The following ACSL6 variants were observed in gnomAD, a reference collection of about 807,000 sequenced individuals.
The protein encoded by ACSL6 is long-chain-fatty-acid--CoA ligase 6.
In ACSL6, 47 loss-of-function variants were observed where a neutral mutation model predicts 98.2. That is an observed-to-expected ratio of 0.48 (90% CI 0.38 to 0.61). ACSL6 has a LOEUF of 0.61. Among genes scored for constraint, ACSL6 ranks in the 20% least tolerant of loss-of-function variants. The probability of loss-of-function intolerance (pLI) is 0.00; values close to 1 mark genes in which losing one functional copy is unlikely to be tolerated. For synonymous variants in ACSL6, 362 were observed against 336.9 expected (o/e 1.07, Z -0.82); for missense variants, 761 against 913.4 (o/e 0.83, Z 2.15).
intron 10 of ACSL6, chr5:131,975,436 C>CGG (rs1023508991): frequency 2.0e-6 from 2 of 985,294 alleles, no homozygotes; most frequent in South Asian, 4.7e-5. Context: ...CTGGGCTACC[C>CGG]GGGCAGGGAT....
Position 131,952,839 on chromosome 5 carries a change from A to C in ACSL6, c.*1395T>G, listed in dbSNP as rs1752219625. On this transcript the variant is annotated 3_prime_UTR_variant, in exon 21 of 21. Transcript: ENST00000651883. ...TATTTCTTTGTCTATGGACTTAAAA[A>C]GTTTTCTTGGGGCATTTTAAAGAGG... The C allele has an allele frequency of 4.6e-6, 1 of 218,132 alleles. No homozygotes were observed. Among genetic ancestry groups the C allele is most frequent in the Admixed American group, 5.8e-5 (1 of 17,228 alleles). 13.5% of individuals were successfully genotyped at this position (218,132 alleles called of 1,614,324 possible). A position where few individuals can be genotyped will look rare whatever the true frequency, so the allele number is the denominator to read the frequency against.
At chr5:132,008,861 G>A (rs1435007338) in intron 1 of ACSL6, among the ~76,000 whole-genome samples, 1 of 152,230 alleles carries the variant, frequency 6.6e-6, no homozygotes, top group Non-Finnish European at 1.5e-5. Context: ...AGAGGAAGGT[G>A]TGCCCTTTTA....
chr5:131,986,312 TGC>T (rs1160771875), intron 8 of ACSL6, among the ~76,000 whole-genome samples: 5 of 152,288 alleles, frequency 3.3e-5, no homozygotes, highest in Non-Finnish European at 4.4e-5. Context: ...GGAGGCCATA[TGC>T]CTTTTAGAAA....
chr5:131,975,433 A>G, intron 10 of ACSL6: 2 of 985,244 alleles, frequency 2.0e-6, no homozygotes, highest in Non-Finnish European at 2.4e-6. Flanking sequence ...TCCCTGGGCT[A>G]CCCGGGCAGG....
intron 9 of ACSL6, among the ~76,000 whole-genome samples, chr5:131,980,283 T>C (rs1166599590): frequency 6.6e-6 from 1 of 152,218 alleles, no homozygotes; most frequent in African/African-American, 2.4e-5. Flanking sequence ...AGTCTTACTT[T>C]TATCAATCCC....
Position 131,985,625 on chromosome 5 carries a change from G to A in ACSL6, c.865-167C>T, listed in dbSNP as rs186535477. Reference sequence around the variant, plus strand: ...CTGTGTGCTGCGCTCAGAAAGGTGGGCAGATGAGCGCTCAGGAAAAAGAAA... The same window carrying A: ...CTGTGTGCTGCGCTCAGAAAGGTGGACAGATGAGCGCTCAGGAAAAAGAAA... On this transcript the variant is annotated intron_variant, in intron 8 of 20. Transcript: ENST00000651883. 1.5e-3 allele frequency among the ~76,000 whole-genome samples: 230 copies of A among 152,310 alleles called. 1 individual carries two copies. The highest frequency in any genetic ancestry group is 5.3e-3 in the African/African-American group (221 of 41,564).
rs1753097186 is a variant in ACSL6 at position 131,967,803 on chromosome 5, G to A, written c.1596+137C>T. The A allele has an allele frequency of 2.4e-5, 17 of 696,984 alleles. No homozygotes were observed. In the South Asian group the frequency reaches 3.4e-4, roughly 14 times the overall value. The allele number at this position is 696,984 out of a possible 1,614,324, so 43.2% of individuals were successfully genotyped here. Reference sequence around the variant, plus strand: ...TAAACAGGAGAGGAGATGCTGAGTTGAGCTGAGTCAAATTAATCAGTAGTT... The same window carrying A: ...TAAACAGGAGAGGAGATGCTGAGTTAAGCTGAGTCAAATTAATCAGTAGTT... On this transcript the variant is annotated intron_variant, in intron 16 of 20. Transcript: ENST00000651883.
At chr5:132,008,834 T>C (rs769906990) in intron 1 of ACSL6, among the ~76,000 whole-genome samples, 15 of 152,238 alleles carry the variant, frequency 9.9e-5, no homozygotes, top group African/African-American at 1.9e-4. Context: ...CCCTGCGGCA[T>C]GGGGCTGCCT....
Position 131,975,546 on chromosome 5 carries a change from C to A in ACSL6, c.991-576G>T. 3 of 985,284 alleles carry A rather than the reference C, an allele frequency of 3.0e-6. No individual in the cohort carries two copies. The South Asian group carries it at 1.4e-4, about 46-fold the overall frequency. 61.0% of individuals were successfully genotyped at this position (985,284 alleles called of 1,614,324 possible). A position where few individuals can be genotyped will look rare whatever the true frequency, so the allele number is the denominator to read the frequency against. Reference sequence around the variant, plus strand: ...ACTGTGGCTGGGGTATGAGCCCCAGCCAGAGGAGGAGACAAGGCCAAACCC... The same window carrying A: ...ACTGTGGCTGGGGTATGAGCCCCAGACAGAGGAGGAGACAAGGCCAAACCC... On this transcript the variant is annotated intron_variant, in intron 10 of 20. Coordinates refer to ENST00000651883, the MANE Select transcript of ACSL6 (RefSeq NM_001009185.3).
intron 9 of ACSL6, among the ~76,000 whole-genome samples, chr5:131,978,154 TAGAG>T (rs1296649724): frequency 6.6e-6 from 1 of 152,144 alleles, no homozygotes; most frequent in Non-Finnish European, 1.5e-5. Context: ...ACATCAGTCT[TAGAG>T]AGCAGTGGTG....
At chr5:131,990,247 G>T in intron 3 of ACSL6, 83 bp from the exon 4 acceptor site, 1 of 1,372,694 alleles carries the variant, frequency 7.3e-7, no homozygotes, top group Non-Finnish European at 1.0e-6. Context: ...AAACCTGGAT[G>T]GACATCCCAT....
chr5:131,966,437 T>C lies in ACSL6; in HGVS notation c.1692A>G (p.Gly564=), dbSNP rs1321219133. 6.2e-7 allele frequency: 1 copy of C among 1,614,024 alleles called. No individual in the cohort carries two copies. The highest frequency in any genetic ancestry group is 2.2e-5 in the East Asian group (1 of 44,890). The part of the protein sequence containing the change: ...ALDSDGWLHT[G]DIGKWLPAGT... The stretch of plus-strand genomic sequence containing the variant: ...ACACCGGCAGCCATTTTCCGATGTC[T>C]CCAGTGTGAAGCCAGCCATCGCTGT... Residue 564 remains glycine, a synonymous_variant, in exon 17 of 21, where the codon GGA becomes GGG. Coordinates refer to ENST00000651883, the MANE Select transcript of ACSL6 (RefSeq NM_001009185.3).
intron 1 of ACSL6, chr5:131,994,771 C>T (rs1561806129): frequency 2.3e-5 from 4 of 171,292 alleles, no homozygotes; most frequent in Non-Finnish European, 2.6e-5. Flanking sequence ...TGAGTGAGAG[C>T]GAAGTGGGGG....
chr5:131,989,631 T>C, intron 4 of ACSL6, 123 bp from the exon 5 acceptor site: 1 of 683,368 alleles, frequency 1.5e-6, no homozygotes, highest in East Asian at 3.0e-5. Context: ...AGTCTCGATC[T>C]ATCACCCAGG....
intron 9 of ACSL6, chr5:131,981,843 C>A (rs1001726412): frequency 3.3e-5 from 5 of 152,410 alleles, no homozygotes; most frequent in East Asian, 1.9e-4. Flanking sequence ...CTCCACCCCA[C>A]GCCCCAGGAC....
intron 1 of ACSL6, among the ~76,000 whole-genome samples, chr5:132,010,885 A>G (rs541874707): frequency 2.6e-5 from 4 of 152,156 alleles, no homozygotes; most frequent in African/African-American, 9.7e-5. Context: ...TAGCCGCCTA[A>G]GAAGTGCAGT....
intron 5 of ACSL6, 56 bp from the exon 6 acceptor site, chr5:131,988,960 T>G (rs559869598): frequency 6.7e-7 from 1 of 1,500,708 alleles, no homozygotes; most frequent in Non-Finnish European, 9.3e-7. Context: ...AGGGCTGTCC[T>G]GCCCTTAGGC....
chr5:131,991,107 C>T (rs1044389926), intron 2 of ACSL6, 140 bp from the exon 3 acceptor site: 16 of 681,682 alleles, frequency 2.3e-5, no homozygotes, highest in East Asian at 2.7e-5. Context: ...TGTGTGCCCG[C>T]GTACACATGG....
At chr5:131,968,286 A>G in intron 15 of ACSL6, 1 of 406,816 alleles carries the variant, frequency 2.5e-6, no homozygotes, top group Non-Finnish European at 4.5e-6. Flanking sequence ...CTGGCCCAGC[A>G]CCAACGTGCA....
Sources: gnomAD v4.1 joint callset for allele counts (sites outside exome capture counted in the v4.1 genomes callset) on GRCh38, gnomAD v4.1.1 for gene constraint, MANE v1.5 for transcripts, NCBI Gene and HGNC (gene_info 2026-07-23, HGNC 2026-07-21) for gene names.